PPFIA2: variants seen among roughly 807,000 people sequenced by gnomAD.
The protein encoded by PPFIA2 is PPFI scaffold protein A2.
PPFIA2 carries 46 observed loss-of-function variants against 175.5 expected under a neutral mutation model. The observed-to-expected ratio is 0.26, with a 90% confidence interval of 0.21 to 0.34. The LOEUF is 0.34. Ranked by LOEUF, PPFIA2 falls within the 10% of genes least tolerant of loss-of-function variation. The pLI, the probability that PPFIA2 is intolerant of heterozygous loss-of-function variation, is 1.00. For synonymous variants in PPFIA2, 568 were observed against 511.4 expected (o/e 1.11, Z -1.49); for missense variants, 1,179 against 1,506.1 (o/e 0.78, Z 3.60).
intron 7 of PPFIA2, among the ~76,000 whole-genome samples, chr12:81,436,838 A>G (rs2144800096): frequency 6.6e-6 from 1 of 152,320 alleles, no homozygotes; most frequent in Non-Finnish European, 1.5e-5. Context: ...GAATTTCTAA[A>G]TAGGGATTCG....
intron 27 of PPFIA2, among the ~76,000 whole-genome samples, chr12:81,278,029 A>G (rs2041001864): frequency 6.6e-6 from 1 of 152,304 alleles, no homozygotes; most frequent in South Asian, 2.1e-4. Flanking sequence ...AGGAAAATGG[A>G]GCATCATGAA....
At chr12:81,511,425 C>CATAGGTA (rs2061784711) in intron 4 of PPFIA2, among the ~76,000 whole-genome samples, 1 of 151,662 alleles carries the variant, frequency 6.6e-6, no homozygotes, top group Admixed American at 6.6e-5. Flanking sequence ...CAATAATATC[C>CATAGGTA]ATAGGTAAAA....
At chr12:81,395,719 A>G (rs2041009213) in intron 8 of PPFIA2, among the ~76,000 whole-genome samples, 1 of 152,068 alleles carries the variant, frequency 6.6e-6, no homozygotes. Flanking sequence ...TCTGTTCTTC[A>G]GAGGACAGCT....
rs191545734 is a variant in PPFIA2, at chr12:81,661,500, T to C, written c.303+15291A>G. Among the ~76,000 whole-genome samples the C allele has an allele frequency of 5.5e-3, 842 of 152,280 alleles. 6 individuals carry two copies. The highest frequency in any genetic ancestry group is 9.7e-3 in the Non-Finnish European group (659 of 68,012). On this transcript the variant is annotated intron_variant, in intron 4 of 32. Transcript: ENST00000549396. ...GATCAATTCAACAAGAAGAGCTAAC[T>C]ATCCTAGATATATATGCGCCCAATA...
At chr12:81,685,856 T>G (rs1394197436) in intron 3 of PPFIA2, among the ~76,000 whole-genome samples, 1 of 152,040 alleles carries the variant, frequency 6.6e-6, no homozygotes, top group African/African-American at 2.4e-5. Context: ...TAATTAACAT[T>G]TATTAAGCAT....
chr12:81,299,007 G>A (rs1321124645), intron 23 of PPFIA2, among the ~76,000 whole-genome samples: 2 of 152,122 alleles, frequency 1.3e-5, no homozygotes, highest in East Asian at 3.9e-4. Flanking sequence ...TAATGGATGG[G>A]AATGGATGTT....
intron 5 of PPFIA2, among the ~76,000 whole-genome samples, chr12:81,451,550 C>T (rs1339191153): frequency 6.6e-6 from 1 of 152,100 alleles, no homozygotes; most frequent in African/African-American, 2.4e-5. Flanking sequence ...TTCTTATATG[C>T]TTTAATTAAT....
Position 81,341,063 on chromosome 12 carries a change from C to T in PPFIA2, c.2393+15G>A. ...AGGAGGGCATTCAGTGTGCAGTGTG[C>T]CTGCAGAGTCTTACCTTCGAGCATC... On this transcript the variant is annotated intron_variant, in intron 20 of 32. Coordinates refer to ENST00000549396, the MANE Select transcript of PPFIA2 (RefSeq NM_003625.5). The T allele has an allele frequency of 6.2e-7, 1 of 1,601,762 alleles. No homozygotes were observed. The highest frequency in any genetic ancestry group is 8.5e-7 in the Non-Finnish European group (1 of 1,170,832).
intron 4 of PPFIA2, among the ~76,000 whole-genome samples, chr12:81,466,302 A>T (rs1304677022): frequency 6.6e-6 from 1 of 152,196 alleles, no homozygotes; most frequent in African/African-American, 2.4e-5. Context: ...GACTATGTTA[A>T]CATATCATGG....
chr12:81,620,519 A>T (rs1320466885), intron 4 of PPFIA2, among the ~76,000 whole-genome samples: 1 of 152,222 alleles, frequency 6.6e-6, no homozygotes, highest in Non-Finnish European at 1.5e-5. Flanking sequence ...AAGGTGAGAG[A>T]CAGCCAGAAA....
At chr12:81,445,497 A>G (rs2051089871) in intron 6 of PPFIA2, 59 bp downstream of exon 6, 1 of 1,515,562 alleles carries the variant, frequency 6.6e-7, no homozygotes, top group Non-Finnish European at 9.0e-7. Flanking sequence ...ATGAAGACAA[A>G]GAGCTTGATG....
At chr12:81,324,962 T>C (rs1376931814) in intron 22 of PPFIA2, among the ~76,000 whole-genome samples, 1 of 151,956 alleles carries the variant, frequency 6.6e-6, no homozygotes, top group African/African-American at 2.4e-5. Flanking sequence ...GATTAGCCTG[T>C]ATATTATAAT....
At chr12:81,623,072 T>C (rs2062250157) in intron 4 of PPFIA2, among the ~76,000 whole-genome samples, 1 of 152,124 alleles carries the variant, frequency 6.6e-6, no homozygotes, top group Non-Finnish European at 1.5e-5. Context: ...GTGACTATTC[T>C]CTTCCATAAC....
intron 4 of PPFIA2, chr12:81,675,638 T>C (rs536598893): frequency 6.6e-6 from 1 of 151,960 alleles, no homozygotes; most frequent in Non-Finnish European, 1.5e-5. Context: ...GTAAGTTGAA[T>C]TCTATGGGCA....
rs541622591 is a variant in PPFIA2, at chr12:81,712,916, C to T, written c.250-36072G>A. Among the ~76,000 whole-genome samples the T allele has an allele frequency of 1.5e-4, 22 of 151,186 alleles. No individual in the cohort carries two copies. The South Asian group carries it at 4.4e-3, about 30-fold the overall frequency. ...AGAGAAGTGATGGTGTGACTAGAGT[C>T]TCACTAAATAATGAAAGCTTGCTTT... On this transcript the variant is annotated intron_variant, in intron 3 of 32. Coordinates refer to ENST00000549396, the MANE Select transcript of PPFIA2 (RefSeq NM_003625.5).
intron 4 of PPFIA2, among the ~76,000 whole-genome samples, chr12:81,628,112 A>G (rs1248563669): frequency 6.6e-6 from 1 of 152,196 alleles, no homozygotes; most frequent in African/African-American, 2.4e-5. Flanking sequence ...TAAAGTTCCA[A>G]TGTTATACTT....
chr12:81,339,126 T>C (rs1338711026), intron 21 of PPFIA2, 54 bp downstream of exon 21: 2 of 1,403,834 alleles, frequency 1.4e-6, no homozygotes, highest in Non-Finnish European at 1.9e-6. Context: ...AGATGGATAC[T>C]GTGACATGAC....
chr12:81,652,784 T>C (rs1197155294), intron 4 of PPFIA2, among the ~76,000 whole-genome samples: 3 of 152,074 alleles, frequency 2.0e-5, no homozygotes, highest in East Asian at 3.9e-4. Flanking sequence ...ATTTACATAC[T>C]GTTATCCCTG....
At chr12:81,367,302 T>G in intron 13 of PPFIA2, 132 bp from the exon 14 acceptor site, 1 of 609,470 alleles carries the variant, frequency 1.6e-6, no homozygotes, top group Non-Finnish European at 2.3e-6. Context: ...TTGGTTTCCA[T>G]GGAAACCATG....
Sources: allele counts gnomAD v4.1 joint callset (sites outside exome capture counted in the v4.1 genomes callset), GRCh38; gene constraint gnomAD v4.1.1; transcripts MANE v1.5; gene names NCBI Gene and HGNC (gene_info 2026-07-23, HGNC 2026-07-21).